The following HDC variants were observed in gnomAD, a reference collection of about 807,000 sequenced individuals.
HDC encodes the protein histidine decarboxylase.
In HDC, 27 loss-of-function variants were observed where a neutral mutation model predicts 64.4. That is an observed-to-expected ratio of 0.42 (90% CI 0.31 to 0.58). The LOEUF (loss-of-function observed/expected upper bound fraction) is 0.58, where lower values mean the gene tolerates loss of function less well. HDC is among the 20% of genes least tolerant of loss of function. The pLI is 0.16. For synonymous variants in HDC, 305 were observed against 314.2 expected (o/e 0.97, Z 0.31); for missense variants, 711 against 833.9 (o/e 0.85, Z 1.81).
In HDC at chr15:50,265,579, T is replaced by A. The variant is rs776163274; in HGVS notation, c.31+14A>T. On this transcript the variant is annotated intron_variant, in intron 1 of 11. Transcript: ENST00000267845. ...TAGCAGCAGGGAAGAGGGCCAGGGA[T>A]GCCCGTTGCTCACCTCTCTCTCTGT... 3.1e-6 allele frequency: 5 copies of A among 1,613,266 alleles called. No individual in the cohort carries two copies. Among genetic ancestry groups the A allele is most frequent in the Non-Finnish European group, 2.5e-6 (3 of 1,179,226 alleles).
chr15:50,259,585 G>A (rs1045278956), intron 2 of HDC, among the ~76,000 whole-genome samples: 2 of 152,098 alleles, frequency 1.3e-5, no homozygotes, highest in Non-Finnish European at 2.9e-5. Context: ...TTATGTCTTT[G>A]AGCAATGCTG....
chr15:50,252,547 G>A, intron 8 of HDC, 27 bp from the exon 9 acceptor site: 3 of 1,614,046 alleles, frequency 1.9e-6, no homozygotes, highest in Non-Finnish European at 2.5e-6. Flanking sequence ...GGGCATTAGT[G>A]GCTGAGGTCT....
intron 4 of HDC, 108 bp from the exon 5 acceptor site, chr15:50,254,772 CTCTCTGTG>C: frequency 1.1e-6 from 1 of 940,054 alleles, no homozygotes; most frequent in Non-Finnish European, 1.6e-6. Flanking sequence ...CTCTCTCTCT[CTCTCTGTG>C]TGTGTATGTG....
intron 7 of HDC, chr15:50,253,236 T>C: frequency 2.6e-6 from 1 of 379,570 alleles, no homozygotes; most frequent in South Asian, 2.5e-5. Flanking sequence ...CTTTTCCTTT[T>C]CTGAAGGTAG....
chr15:50,250,674 C>T (rs2045542733), intron 9 of HDC, among the ~76,000 whole-genome samples: 1 of 152,192 alleles, frequency 6.6e-6, no homozygotes, highest in African/African-American at 2.4e-5. Flanking sequence ...TCAATTCACA[C>T]TCAGGAAGCA....
chr15:50,254,685 C>T (rs970129151), intron 4 of HDC, 21 bp from the exon 5 acceptor site: 1 of 1,613,374 alleles, frequency 6.2e-7, no homozygotes. Context: ...AAAGGATTAT[C>T]ATGGCAGCCT....
rs775747398 is a variant in HDC at position 50,243,203 on chromosome 15, G to A, written c.1182C>T (p.Asn394=). 5.5e-5 allele frequency: 89 copies of A among 1,613,736 alleles called. No individual in the cohort carries two copies. Among genetic ancestry groups the A allele is most frequent in the Non-Finnish European group, 7.0e-5 (83 of 1,179,788 alleles). Residue 394 remains asparagine (N), a synonymous_variant, in exon 11 of 12, where the codon AAC becomes AAT. Coordinates refer to ENST00000267845, the MANE Select transcript of HDC (RefSeq NM_002112.4). ...MAKYFESLVR[N]DPSFEIPAKR... ...TGGCAGGAATTTCAAAGGAAGGGTC[G>A]TTTCTGACCAGAGATTCAAAATATT...
At chr15:50,243,434 CCT>C in intron 10 of HDC, among the ~76,000 whole-genome samples, 190 bp from the exon 11 acceptor site, 1 of 152,334 alleles carries the variant, frequency 6.6e-6, no homozygotes, top group Admixed American at 6.5e-5. Flanking sequence ...CCAATGGCGC[CCT>C]GTTTCCTGTC....
chr15:50,247,190 T>A (rs1358961051), intron 10 of HDC, among the ~76,000 whole-genome samples: 1 of 152,144 alleles, frequency 6.6e-6, no homozygotes, highest in African/African-American at 2.4e-5. Context: ...ATAAGGCAAC[T>A]ATAGTTAACT....
At chr15:50,259,087 G>A (rs1021488025) in intron 2 of HDC, among the ~76,000 whole-genome samples, 3 of 152,008 alleles carry the variant, frequency 2.0e-5, no homozygotes, top group Non-Finnish European at 2.9e-5. Flanking sequence ...ATGTGAACCC[G>A]GGAGGCTGAG....
Position 50,242,243 on chromosome 15 carries a change from G to A in HDC, c.*17C>T. 1 of 1,607,770 alleles carries A rather than the reference G, an allele frequency of 6.2e-7. No homozygotes were observed. Among genetic ancestry groups the A allele is most frequent in the Non-Finnish European group, 8.5e-7 (1 of 1,174,236 alleles). ...TCCCTGAAGTATATCCTCAGACTCT[G>A]GCTGAAGGCCCTGTGTCTAAACCAT... On this transcript the variant is annotated 3_prime_UTR_variant, in exon 12 of 12. Transcript: ENST00000267845.
At chr15:50,259,884 C>T (rs1242060115) in intron 2 of HDC, among the ~76,000 whole-genome samples, 1 of 152,112 alleles carries the variant, frequency 6.6e-6, no homozygotes, top group African/African-American at 2.4e-5. Flanking sequence ...GTATAAGGAG[C>T]CTAAGAATTA....
intron 1 of HDC, 79 bp downstream of exon 1, chr15:50,265,514 G>T: frequency 7.6e-7 from 1 of 1,321,610 alleles, no homozygotes; most frequent in Non-Finnish European, 1.1e-6. Flanking sequence ...TGTCACCCCA[G>T]AATCTAAGGG....
chr15:50,247,716 GTTGAA>G lies in HDC; in HGVS notation c.1140+524_1140+528del, dbSNP rs771726129. 3.3e-5 allele frequency among the ~76,000 whole-genome samples: 5 copies of G among 152,316 alleles called. No homozygotes were observed. In the East Asian group the frequency reaches 7.7e-4, roughly 23 times the overall value. ...TTTCTTAGCACAATACCTTGTAATTGTTGAATTGAATAGAAATAAATTAAGCAAAA... is the reference window on the plus strand; with the variant it reads ...TTTCTTAGCACAATACCTTGTAATTGTTGAATAGAAATAAATTAAGCAAAA... On this transcript the variant is annotated intron_variant, in intron 10 of 11. Coordinates refer to ENST00000267845, the MANE Select transcript of HDC (RefSeq NM_002112.4).
rs183801315 is a variant in HDC at position 50,247,967 on chromosome 15, G to A, written c.1140+278C>T. On this transcript the variant is annotated intron_variant, in intron 10 of 11. Coordinates refer to ENST00000267845, the MANE Select transcript of HDC (RefSeq NM_002112.4). ...TTCTCTTTCTCTTTCCTGCAAACCA[G>A]ACTCTGGGGCCAACCCTCCCCAGTG... Among the ~76,000 whole-genome samples, 226 of 152,274 alleles carry A rather than the reference G, an allele frequency of 1.5e-3. 1 individual carries two copies. The highest frequency in any genetic ancestry group is 2.7e-3 in the Non-Finnish European group (183 of 68,026).
rs189705421 is a variant in HDC, at chr15:50,255,673, A to G, written c.442-1009T>C. Among the ~76,000 whole-genome samples, 51 of 152,136 alleles carry G rather than the reference A, an allele frequency of 3.4e-4. 1 individual carries two copies. The East Asian group carries it at 9.7e-3, about 29-fold the overall frequency. ...CAAAAAGCCAGGTGTAGTGGTGCAC[A>G]CCTGTAGTCCCAGCTACGTGGGAGG... On this transcript the variant is annotated intron_variant, in intron 4 of 11. Transcript: ENST00000267845.
intron 5 of HDC, 114 bp from the exon 6 acceptor site, chr15:50,254,387 C>T: frequency 6.5e-7 from 1 of 1,535,112 alleles, no homozygotes; most frequent in Non-Finnish European, 9.0e-7. Flanking sequence ...AGCTTGTCTT[C>T]CCTACAGTTG....
At chr15:50,244,463 C>A (rs976086431) in intron 10 of HDC, among the ~76,000 whole-genome samples, 1 of 151,756 alleles carries the variant, frequency 6.6e-6, no homozygotes, top group Non-Finnish European at 1.5e-5. Context: ...CCACCATGCC[C>A]AGCTACATTT....
chr15:50,242,633 C>T lies in HDC; in HGVS notation c.1616G>A (p.Gly539Asp). 1 of 1,614,124 alleles carries T rather than the reference C, an allele frequency of 6.2e-7. No individual in the cohort carries two copies. The highest frequency in any genetic ancestry group is 8.5e-7 in the Non-Finnish European group (1 of 1,180,014). ...GTCCAGCAGGGTTTCAAGATGGAGG[C>T]CATTTTCCCTTTTCATGGGACCGGC... The part of the protein sequence containing the change: ...VGAGPMKREN[G>D]LHLETLLDPV... Residue 539 changes from glycine to aspartate, a missense_variant, in exon 12 of 12, where the codon GGC (glycine) becomes GAC (aspartate). Gly to Asp is a moderately conservative substitution (Grantham distance 94). Coordinates refer to ENST00000267845, the MANE Select transcript of HDC (RefSeq NM_002112.4).
Sources: gnomAD v4.1 joint callset for allele counts (sites outside exome capture counted in the v4.1 genomes callset) on GRCh38, gnomAD v4.1.1 for gene constraint, MANE v1.5 for transcripts, NCBI Gene and HGNC (gene_info 2026-07-23, HGNC 2026-07-21) for gene names.